Variants in THAP9 observed in about 807,000 individuals in gnomAD.
The protein encoded by THAP9 is DNA transposase THAP9.
A neutral mutation model predicts 35.7 loss-of-function variants in THAP9; 20 were observed. That is an observed-to-expected ratio of 0.56 (90% CI 0.39 to 0.81). The LOEUF (loss-of-function observed/expected upper bound fraction) is 0.81. Ranked by LOEUF, THAP9 falls within the 40% of genes least tolerant of loss-of-function variation. The pLI is 0.00. For synonymous variants in THAP9, 335 were observed against 373.7 expected (o/e 0.90, Z 1.19); for missense variants, 870 against 1,047.4 (o/e 0.83, Z 2.34).
rs1362065959 is a variant in THAP9, at chr4:82,917,736, C to G, written c.1524C>G (p.Ile508Met). 1.2e-6 allele frequency: 2 copies of G among 1,613,828 alleles called. No homozygotes were observed. The highest frequency in any genetic ancestry group is 1.3e-5 in the African/African-American group (1 of 75,008). The change falls in exon 5 of 5, where the codon ATC (isoleucine) becomes ATG (methionine). Residue 508 changes from isoleucine (I) to methionine (M), a missense_variant. Coordinates refer to ENST00000302236, the MANE Select transcript of THAP9 (RefSeq NM_024672.6). ...CTTTTCAAAACTGTATTGGTACCAT[C>G]CATTTTTTACGTTTAATTAACAATC... Reference protein sequence around the residue: ...LPPFQNCIGTIHFLRLINNLF... With the variant: ...LPPFQNCIGTMHFLRLINNLF...
At chr4:82,912,130 GT>G (rs1391049350) in intron 4 of THAP9, among the ~76,000 whole-genome samples, 2 of 152,048 alleles carry the variant, frequency 1.3e-5, no homozygotes, top group African/African-American at 4.8e-5. Flanking sequence ...TCCCAAAGCT[GT>G]GTTTTTTACA....
At chr4:82,911,543 G>A (rs1425270030) in intron 4 of THAP9, among the ~76,000 whole-genome samples, 5 of 152,092 alleles carry the variant, frequency 3.3e-5, no homozygotes, top group Non-Finnish European at 5.9e-5. Flanking sequence ...GCAGTGAGCC[G>A]AGATTGCACC....
At position 82,918,043 on chromosome 4, in the gene THAP9, C is replaced by T; in HGVS notation, c.1831C>T (p.His611Tyr). The change falls in exon 5 of 5, where the codon CAT becomes TAT. Residue 611 changes from histidine to tyrosine, a missense_variant. By Grantham distance (83) the His-to-Tyr change is moderately conservative (BLOSUM62 2). Transcript: ENST00000302236. ...YLLTYKFSHD[H>Y]LELFLKMLRQ... The stretch of plus-strand genomic sequence containing the variant: ...TCTGACTTACAAATTCAGTCATGAT[C>T]ATCTGGAATTATTTCTAAAGATGCT... 1 of 1,614,010 alleles carries T rather than the reference C, an allele frequency of 6.2e-7. No individual in the cohort carries two copies. The highest frequency in any genetic ancestry group is 8.5e-7 in the Non-Finnish European group (1 of 1,179,992).
At chr4:82,914,169 T>C (rs139908816) in intron 4 of THAP9, among the ~76,000 whole-genome samples, 179 of 152,376 alleles carry the variant, frequency 1.2e-3, no homozygotes, top group African/African-American at 4.1e-3. Flanking sequence ...CTCATTCTTT[T>C]TTATGGCTAC....
intron 1 of THAP9, chr4:82,901,249 C>G (rs1220950905): frequency 4.1e-6 from 2 of 493,792 alleles, no homozygotes; most frequent in Non-Finnish European, 7.9e-6. Flanking sequence ...AGCACGAGTA[C>G]AGATCAGTTT....
chr4:82,904,969 T>G, intron 2 of THAP9, 38 bp downstream of exon 2: 1 of 1,593,280 alleles, frequency 6.3e-7, no homozygotes, highest in Non-Finnish European at 8.6e-7. Flanking sequence ...AAATGAAAAT[T>G]TACAGAGCCT....
In THAP9 at chr4:82,918,578, A is replaced by G; in HGVS notation, c.2366A>G (p.Glu789Gly). The G allele has an allele frequency of 6.2e-7, 1 of 1,614,030 alleles. No individual in the cohort carries two copies. The highest frequency in any genetic ancestry group is 8.5e-7 in the Non-Finnish European group (1 of 1,179,944). ...ACCCATTCAAGAATGGCAATTTTTG[A>G]ACTAGTTTCTAAACAAAGGGAATTG... ...VRTHSRMAIF[E>G]LVSKQRELYL... is the part of the protein sequence containing the mutation. Residue 789 changes from glutamate (E) to glycine (G), a missense_variant, in exon 5 of 5, where the codon GAA (glutamate) becomes GGA (glycine). Transcript: ENST00000302236.
At chr4:82,904,624 G>T in intron 1 of THAP9, 112 bp from the exon 2 acceptor site, 1 of 954,738 alleles carries the variant, frequency 1.0e-6, no homozygotes, top group South Asian at 2.2e-5. Flanking sequence ...AATTCACTTG[G>T]CTTTATGTTT....
rs2126017972 is a variant in THAP9 at position 82,918,465 on chromosome 4, A to G, written c.2253A>G (p.Ser751=). The part of the protein sequence containing the change: ...ASDLKASKIG[S]LLFVKKKNGL... ...ATCTCAAAGCCTCTAAAATTGGGTC[A>G]CTATTATTTGTTAAAAAGAAGAATG... Residue 751 remains serine (S), a synonymous_variant, in exon 5 of 5, where the codon TCA becomes TCG. Coordinates refer to ENST00000302236, the MANE Select transcript of THAP9 (RefSeq NM_024672.6). The G allele has an allele frequency of 1.2e-6, 2 of 1,614,162 alleles. No individual in the cohort carries two copies. The highest frequency in any genetic ancestry group is 1.7e-6 in the Non-Finnish European group (2 of 1,180,014).
intron 4 of THAP9, among the ~76,000 whole-genome samples, chr4:82,912,453 A>G (rs1560696511): frequency 6.6e-6 from 1 of 152,128 alleles, no homozygotes; most frequent in East Asian, 1.9e-4. Context: ...CTCTAGGACT[A>G]TATTTTTCCC....
At chr4:82,906,243 C>A in intron 2 of THAP9, 81 bp from the exon 3 acceptor site, 2 of 1,182,892 alleles carry the variant, frequency 1.7e-6, no homozygotes, top group Non-Finnish European at 2.3e-6. Context: ...CAGATTAGTG[C>A]TTTGTATTTA....
chr4:82,904,775 G>C lies in THAP9; in HGVS notation c.120G>C (p.Arg40Ser). 1 of 1,614,064 alleles carries C rather than the reference G, an allele frequency of 6.2e-7. No homozygotes were observed. Among genetic ancestry groups the C allele is most frequent in the East Asian group, 2.2e-5 (1 of 44,848 alleles). The change falls in exon 2 of 5, where the codon AGG (arginine) becomes AGC (serine). Residue 40 changes from arginine to serine, a missense_variant. By Grantham distance (110) the Arg-to-Ser change is moderately radical (BLOSUM62 -1). Coordinates refer to ENST00000302236, the MANE Select transcript of THAP9 (RefSeq NM_024672.6). The stretch of plus-strand genomic sequence containing the variant: ...CCATACAGCGCTCAAAATGGATCAG[G>C]GCTGTTAATCGTGTGGACCCCAGAA... ...TDTIQRSKWI[R>S]AVNRVDPRSK...
At chr4:82,910,807 A>G (rs922769333) in intron 4 of THAP9, 1 of 431,630 alleles carries the variant, frequency 2.3e-6, no homozygotes, top group Non-Finnish European at 4.7e-6. Context: ...CTGCTGGGAG[A>G]TCAGGTAAGA....
At chr4:82,906,916 G>A (rs188405382) in intron 3 of THAP9, among the ~76,000 whole-genome samples, 5 of 152,234 alleles carry the variant, frequency 3.3e-5, no homozygotes, top group Admixed American at 2.0e-4. Flanking sequence ...ACCATTTTCT[G>A]TTCTGCACTT....
chr4:82,907,868 T>G lies in THAP9; in HGVS notation c.664T>G (p.Cys222Gly), dbSNP rs1462373626. ...MKQFACTLYL[C>G]SSKVYDYVRK... is the part of the protein sequence containing the mutation. ...ACAATTTGCATGTACACTCTACTTG[T>G]GCAGTAGCAAAGTCTATGATTATGT... Residue 222 changes from cysteine (C) to glycine (G), a missense_variant, in exon 4 of 5, where the codon TGC becomes GGC. This residue lies in a region of THAP9 where 440 missense variants were observed against 501.2 expected (regional missense o/e 0.88). Transcript: ENST00000302236. The G allele has an allele frequency of 1.9e-6, 3 of 1,611,972 alleles. No homozygotes were observed. The highest frequency in any genetic ancestry group is 1.7e-5 in the Admixed American group (1 of 59,840).
chr4:82,915,682 G>A (rs957323540), intron 4 of THAP9, among the ~76,000 whole-genome samples: 1 of 151,756 alleles, frequency 6.6e-6, no homozygotes, highest in African/African-American at 2.4e-5. Flanking sequence ...TATATGTGGG[G>A]GATTGGTTCT....
chr4:82,902,235 G>A (rs6535410), intron 1 of THAP9, among the ~76,000 whole-genome samples: 146,639 of 149,674 alleles, frequency 0.98, 71,912 homozygotes, highest in East Asian at 1. Context: ...CAGCCTCATG[G>A]GACTACAGGC....
intron 2 of THAP9, 47 bp downstream of exon 2, chr4:82,904,978 CT>C (rs1373010609): frequency 6.3e-7 from 1 of 1,577,144 alleles, no homozygotes; most frequent in East Asian, 2.2e-5. Context: ...TTTACAGAGC[CT>C]TTAAAAATCA....
At chr4:82,902,914 G>T (rs574202146) in intron 1 of THAP9, among the ~76,000 whole-genome samples, 2 of 152,324 alleles carry the variant, frequency 1.3e-5, no homozygotes, top group Admixed American at 1.3e-4. Context: ...ATTGAGAGAT[G>T]TGTCTAATAC....
Sources: allele counts gnomAD v4.1 joint callset (sites outside exome capture counted in the v4.1 genomes callset), GRCh38; gene constraint gnomAD v4.1.1; regional missense constraint gnomAD v4.1.1; transcripts MANE v1.5; gene names NCBI Gene and HGNC (gene_info 2026-07-23, HGNC 2026-07-21).